The following BSX variants were observed in gnomAD, a reference collection of about 807,000 sequenced individuals.
BSX encodes brain-specific homeobox protein homolog.
Under a neutral mutation model 16.9 loss-of-function variants are expected in BSX, and 12 were observed. The ratio of observed to expected loss-of-function variants is 0.71; its 90% confidence interval spans 0.46 to 1.15. BSX has a LOEUF of 1.15. Ranked by LOEUF, BSX falls within the 50% of genes most tolerant of loss-of-function variation. The pLI, the probability that BSX is intolerant of heterozygous loss-of-function variation, is 0.00. For synonymous variants in BSX, 160 were observed against 136.4 expected, an observed-to-expected ratio of 1.17 and a Z score of -1.20; for missense variants, 292 against 311.8, an observed-to-expected ratio of 0.94 and a Z score of 0.48.
In BSX at chr11:122,977,627, C is replaced by A; in HGVS notation, c.*22G>T. On this transcript the variant is annotated 3_prime_UTR_variant, in exon 3 of 3. Coordinates refer to ENST00000343035, the MANE Select transcript of BSX (RefSeq NM_001098169.2). This position sits in a 1 kb window ranked among gnomAD's most constrained non-coding sequence, Gnocchi z 4.5. ...GCCCCGCAGTCTCCTCCCCTGCCTA[C>A]TACCCTCCCCAGCCTGGCGGCTCAG... 3 of 1,599,726 alleles carry A rather than the reference C, an allele frequency of 1.9e-6. No individual in the cohort carries two copies. The highest frequency in any genetic ancestry group is 2.5e-6 in the Non-Finnish European group (3 of 1,178,276).
chr11:122,978,294 G>C (rs1258117895), intron 2 of BSX, among the ~76,000 whole-genome samples: 2 of 152,164 alleles, frequency 1.3e-5, no homozygotes, highest in Non-Finnish European at 2.9e-5. Flanking sequence ...AATCAGACCC[G>C]GGCCTGGCAG....
At chr11:122,981,269 C>G (rs910049357) in intron 1 of BSX, 141 bp downstream of exon 1, 1 of 782,412 alleles carries the variant, frequency 1.3e-6, no homozygotes, top group Admixed American at 3.1e-5. Context: ...ATATCCTCAG[C>G]CTTCCACTGT....
chr11:122,979,476 C>A lies in BSX; in HGVS notation c.263-19G>T. The A allele has an allele frequency of 6.3e-7, 1 of 1,597,914 alleles. No individual in the cohort carries two copies. Among genetic ancestry groups the A allele is most frequent in the Non-Finnish European group, 8.5e-7 (1 of 1,173,144 alleles). On this transcript the variant is annotated intron_variant, in intron 1 of 2. Transcript: ENST00000343035. ...GGCATCCCTGCAGAGAGAAGAGCAA[C>A]CAAGTGGGCAGAGCGTGGGTCGCCG...
chr11:122,977,740 A>G lies in BSX; in HGVS notation c.611T>C (p.Leu204Pro), dbSNP rs779177549. The G allele has an allele frequency of 6.9e-5, 111 of 1,609,680 alleles. No individual in the cohort carries two copies. In the South Asian group the frequency reaches 1.1e-3, roughly 16 times the overall value. The change falls in exon 3 of 3, where the codon CTG (leucine) becomes CCG (proline). Residue 204 changes from leucine (L) to proline (P), a missense_variant. Leu to Pro is a moderately conservative substitution (Grantham distance 98). Around this residue, in one of 3 missense-constraint regions of BSX, gnomAD observed 107 missense variants for 97.1 expected, o/e 1.10. Coordinates refer to ENST00000343035, the MANE Select transcript of BSX (RefSeq NM_001098169.2). The surrounding 1 kb of genome is among the most constrained non-coding windows in gnomAD (Gnocchi z 4.5). ...GGTCAGCACGAAGGGACCGGCGGGCAGGCTCAGCCGAGCCTCGGCGGCGGT... is the reference window on the plus strand; with the variant it reads ...GGTCAGCACGAAGGGACCGGCGGGCGGGCTCAGCCGAGCCTCGGCGGCGGT... ...AATAAEARLS[L>P]PAGPFVLTEP...
chr11:122,981,441 G>A lies in BSX; in HGVS notation c.231C>T (p.Asp77=). ...TGGTGAGGAAATAAGGATGATGGTG[G>A]TCTCCCTTATGCAGAGGGTGATGGG... is the stretch of plus-strand genomic sequence containing the variant. ...PHAHHPLHKG[D]HHHPYFLTTS... Residue 77 remains aspartate, a synonymous_variant, in exon 1 of 3, where the codon GAC becomes GAT. Coordinates refer to ENST00000343035, the MANE Select transcript of BSX (RefSeq NM_001098169.2). The A allele has an allele frequency of 6.4e-7, 1 of 1,555,616 alleles. No individual in the cohort carries two copies. The highest frequency in any genetic ancestry group is 1.2e-5 in the South Asian group (1 of 84,074).
rs894658517 is a variant in BSX, at chr11:122,978,006, C to T, written c.460-115G>A. 3 of 1,260,312 alleles carry T rather than the reference C, an allele frequency of 2.4e-6. No homozygotes were observed. The African/African-American group carries it at 4.5e-5, about 19-fold the overall frequency. The allele number at this position is 1,260,312 out of a possible 1,614,324, so 78.1% of individuals were successfully genotyped here. ...ATGAAGTATCCAAGAGCGGTGATAGCCTCAACTGCTCATAAGTTATCGCCT... is the reference window on the plus strand; with the variant it reads ...ATGAAGTATCCAAGAGCGGTGATAGTCTCAACTGCTCATAAGTTATCGCCT... On this transcript the variant is annotated intron_variant, in intron 2 of 2. Transcript: ENST00000343035.
In BSX at chr11:122,977,693, T is replaced by G. The variant is rs1303835573; in HGVS notation, c.658A>C (p.Ile220Leu). The change falls in exon 3 of 3, where the codon ATT (isoleucine) becomes CTT (leucine). Residue 220 changes from isoleucine to leucine, a missense_variant. Ile to Leu is a conservative substitution (Grantham distance 5). Around this residue, in one of 3 missense-constraint regions of BSX, gnomAD observed 107 missense variants for 97.1 expected, o/e 1.10. Transcript: ENST00000343035. The surrounding 1 kb of genome is among the most constrained non-coding windows in gnomAD (Gnocchi z 4.5). ...VLTEPEDEVD[I>L]GDEGELGSGP... ...GAGCCCAGCTCCCCCTCGTCTCCAA[T>G]GTCCACCTCGTCCTCTGGCTCGGTC... 6.2e-7 allele frequency: 1 copy of G among 1,612,234 alleles called. No individual in the cohort carries two copies. Among genetic ancestry groups the G allele is most frequent in the Non-Finnish European group, 8.5e-7 (1 of 1,179,802 alleles).
intron 2 of BSX, 119 bp from the exon 3 acceptor site, chr11:122,978,010 A>G (rs1013149256): frequency 9.9e-6 from 12 of 1,207,986 alleles, no homozygotes; most frequent in Non-Finnish European, 1.4e-5. Flanking sequence ...TGATAGCCTC[A>G]ACTGCTCATA....
intron 1 of BSX, among the ~76,000 whole-genome samples, chr11:122,979,777 A>G (rs1202275845): frequency 1.3e-5 from 2 of 152,140 alleles, no homozygotes; most frequent in African/African-American, 4.8e-5. Context: ...TCTTGGAGAG[A>G]CTTCCGTAGG....
In BSX at chr11:122,981,795, C is replaced by T. The variant is rs1416271251; in HGVS notation, c.-124G>A. 6 of 1,035,950 alleles carry T rather than the reference C, an allele frequency of 5.8e-6. No homozygotes were observed. Among genetic ancestry groups the T allele is most frequent in the East Asian group, 2.7e-5 (1 of 37,588 alleles). The allele number at this position is 1,035,950 out of a possible 1,614,324, so 64.2% of individuals were successfully genotyped here. ...GGCTCGAATCTCCGCTGCTCTCTCC[C>T]GGGCCTGGGCTACCCCGGGCGCTGG... On this transcript the variant is annotated 5_prime_UTR_variant, in exon 1 of 3. Transcript: ENST00000343035.
chr11:122,977,883 C>T lies in BSX; in HGVS notation c.468G>A (p.Thr156=), dbSNP rs375870565. Residue 156 remains threonine (T), a synonymous_variant, in exon 3 of 3, where the codon ACG becomes ACA. Transcript: ENST00000343035. This position sits in a 1 kb window ranked among gnomAD's most constrained non-coding sequence, Gnocchi z 4.5. ...GCTTCATCCGCCGGTTCTGGAACCA[C>T]GTTTTCACCTGATTTCGGGGAGATA... The part of the protein sequence containing the change: ...ALSLSETQVK[T]WFQNRRMKHK... 3.7e-6 allele frequency: 6 copies of T among 1,613,724 alleles called. No individual in the cohort carries two copies. Among genetic ancestry groups the T allele is most frequent in the South Asian group, 1.1e-5 (1 of 91,058 alleles).
Position 122,981,544 on chromosome 11 carries a change from C to A in BSX, c.128G>T (p.Ser43Ile). Residue 43 changes from serine (S) to isoleucine (I), a missense_variant, in exon 1 of 3, where the codon AGC becomes ATC. Transcript: ENST00000343035. Reference sequence around the variant, plus strand: ...CAGAGGCACCCGAGAGGCCAGAGAGCTGGCGAAATGGTCTGGGGCCACCTC... The same window carrying A: ...CAGAGGCACCCGAGAGGCCAGAGAGATGGCGAAATGGTCTGGGGCCACCTC... ...LREVAPDHFA[S>I]SLASRVPLLD... is the part of the protein sequence containing the mutation. 6.3e-7 allele frequency: 1 copy of A among 1,599,624 alleles called. No homozygotes were observed. Among genetic ancestry groups the A allele is most frequent in the East Asian group, 2.3e-5 (1 of 44,402 alleles).
chr11:122,977,583 C>G lies in BSX; in HGVS notation c.*66G>C. On this transcript the variant is annotated 3_prime_UTR_variant, in exon 3 of 3. Coordinates refer to ENST00000343035, the MANE Select transcript of BSX (RefSeq NM_001098169.2). This position sits in a 1 kb window ranked among gnomAD's most constrained non-coding sequence, Gnocchi z 4.5. ...AGACTGGAGTCTGAGTCTTCCGGTCCAGGAGGGAACCGCGCTCGGCCCCGC... is the reference window on the plus strand; with the variant it reads ...AGACTGGAGTCTGAGTCTTCCGGTCGAGGAGGGAACCGCGCTCGGCCCCGC... 3 of 1,535,312 alleles carry G rather than the reference C, an allele frequency of 2.0e-6. No homozygotes were observed. The highest frequency in any genetic ancestry group is 1.7e-6 in the Non-Finnish European group (2 of 1,151,374).
At position 122,979,310 on chromosome 11, in the gene BSX, G is replaced by A; in HGVS notation, c.410C>T (p.Thr137Met). Residue 137 changes from threonine to methionine, a missense_variant, in exon 2 of 3, where the codon ACG becomes ATG. Coordinates refer to ENST00000343035, the MANE Select transcript of BSX (RefSeq NM_001098169.2). ...KRFEIQRYLSTPERVELATAL... is the reference protein window; with the variant it reads ...KRFEIQRYLSMPERVELATAL... ...CGTGGCCAGCTCCACTCGTTCTGGC[G>A]TGGACAGGTAGCGCTGGATCTCGAA... The A allele has an allele frequency of 1.2e-6, 2 of 1,614,132 alleles. No homozygotes were observed. Among genetic ancestry groups the A allele is most frequent in the Non-Finnish European group, 1.7e-6 (2 of 1,180,004 alleles).
At position 122,981,439 on chromosome 11, in the gene BSX, T is replaced by G; in HGVS notation, c.233A>C (p.His78Pro). ...GGTGGTGAGGAAATAAGGATGATGGTGGTCTCCCTTATGCAGAGGGTGATG... is the reference window on the plus strand; with the variant it reads ...GGTGGTGAGGAAATAAGGATGATGGGGGTCTCCCTTATGCAGAGGGTGATG... Reference protein sequence around the residue: ...HAHHPLHKGDHHHPYFLTTSG... With the variant: ...HAHHPLHKGDPHHPYFLTTSG... Residue 78 changes from histidine to proline, a missense_variant, in exon 1 of 3, where the codon CAC becomes CCC. By Grantham distance (77) the His-to-Pro change is moderately conservative (BLOSUM62 -2). This residue lies in a region of BSX where 176 missense variants were observed against 187.2 expected (regional missense o/e 0.94). Transcript: ENST00000343035. 6.4e-7 allele frequency: 1 copy of G among 1,554,018 alleles called. No individual in the cohort carries two copies. The highest frequency in any genetic ancestry group is 8.7e-7 in the Non-Finnish European group (1 of 1,146,148).
rs1864519437 is a variant in BSX, at chr11:122,977,992, A to G, written c.460-101T>C. The G allele has an allele frequency of 2.1e-6, 3 of 1,425,406 alleles. No homozygotes were observed. The Admixed American group carries it at 5.5e-5, about 26-fold the overall frequency. The allele number at this position is 1,425,406 out of a possible 1,614,324, so 88.3% of individuals were successfully genotyped here. ...GCTGCAGTCCGTTGATGAAGTATCC[A>G]AGAGCGGTGATAGCCTCAACTGCTC... On this transcript the variant is annotated intron_variant, in intron 2 of 2. Coordinates refer to ENST00000343035, the MANE Select transcript of BSX (RefSeq NM_001098169.2). The surrounding 1 kb of genome is among the most constrained non-coding windows in gnomAD (Gnocchi z 4.5).
chr11:122,979,889 AC>A (rs1565348173), intron 1 of BSX, among the ~76,000 whole-genome samples: 4 of 151,708 alleles, frequency 2.6e-5, no homozygotes, highest in Non-Finnish European at 5.9e-5. Flanking sequence ...ATCCTCCTAG[AC>A]CCCTGATGAC....
Position 122,977,763 on chromosome 11 carries a change from G to C in BSX, c.588C>G (p.Thr196=). 6.2e-7 allele frequency: 1 copy of C among 1,612,872 alleles called. No individual in the cohort carries two copies. The highest frequency in any genetic ancestry group is 1.7e-4 in the Middle Eastern group (1 of 5,988). ...GCAGGCTCAGCCGAGCCTCGGCGGC[G>C]GTGGCGGCCTCTGAACCGCGGGGGC... ...EGSPRGSEAA[T]AAEARLSLPA... is the part of the protein sequence containing the mutation. Residue 196 remains threonine, a synonymous_variant, in exon 3 of 3, where the codon ACC becomes ACG. Transcript: ENST00000343035. This position sits in a 1 kb window ranked among gnomAD's most constrained non-coding sequence, Gnocchi z 4.5.
At chr11:122,979,799 C>A (rs1283217050) in intron 1 of BSX, among the ~76,000 whole-genome samples, 2 of 152,142 alleles carry the variant, frequency 1.3e-5, no homozygotes, top group African/African-American at 4.8e-5. Flanking sequence ...TCGGCCAGCG[C>A]GGAGTCTTCA....
Sources: gnomAD v4.1 joint callset for allele counts (sites outside exome capture counted in the v4.1 genomes callset) on GRCh38, gnomAD v4.1.1 for gene constraint, gnomAD v4.1.1 regional missense constraint, Gnocchi (gnomAD v3.1) non-coding constraint, MANE v1.5 for transcripts, NCBI Gene and HGNC (gene_info 2026-07-23, HGNC 2026-07-21) for gene names.